Variants in BCL11B observed in about 807,000 individuals in gnomAD.
BCL11B encodes BCL11 transcription factor B.
In BCL11B, 8 loss-of-function variants were observed where a neutral mutation model predicts 49.9. The observed-to-expected ratio is 0.16, with a 90% CI of 0.09 to 0.29. The LOEUF is 0.29. Ranked by LOEUF, BCL11B falls within the 10% of genes least tolerant of loss-of-function variation. The pLI is 1.00. For missense variants in BCL11B, 1,006 were observed against 1,351.0 expected (o/e 0.74, Z 4.00); for synonymous variants, 739 against 637.4 (o/e 1.16, Z -2.40).
Position 99,242,626 on chromosome 14 carries a change from A to G in BCL11B, c.428-11069T>C, listed in dbSNP as rs1888704898. On this transcript the variant is annotated intron_variant, in intron 2 of 3. Coordinates refer to ENST00000357195, the MANE Select transcript of BCL11B (RefSeq NM_138576.4). The surrounding 1 kb of genome is among the most constrained non-coding windows in gnomAD (Gnocchi z 4.4). The stretch of plus-strand genomic sequence containing the variant: ...ACCCCTACCCCACAACTCCAGCCCA[A>G]AGTCTTGGCCCAGCCAGGGTGAACA... 6.6e-6 allele frequency among the ~76,000 whole-genome samples: 1 copy of G among 152,206 alleles called. No individual in the cohort carries two copies. The highest frequency in any genetic ancestry group is 1.5e-5 in the Non-Finnish European group (1 of 68,040).
At chr14:99,230,613 A>G (rs968898215) in intron 3 of BCL11B, among the ~76,000 whole-genome samples, 4 of 152,232 alleles carry the variant, frequency 2.6e-5, no homozygotes, top group African/African-American at 9.6e-5. Context: ...CTTGGGGAGA[A>G]GCAGGGCAGG....
rs1269589249 is a variant in BCL11B at position 99,174,745 on chromosome 14, C to G, written c.2091G>C (p.Pro697=). 5 of 1,522,360 alleles carry G rather than the reference C, an allele frequency of 3.3e-6. No homozygotes were observed. Among genetic ancestry groups the G allele is most frequent in the Non-Finnish European group, 4.4e-6 (5 of 1,135,198 alleles). The allele number at this position is 1,522,360 out of a possible 1,614,324, so 94.3% of individuals were successfully genotyped here. Residue 697 remains proline (P), a synonymous_variant, in exon 4 of 4, where the codon CCG becomes CCC. Coordinates refer to ENST00000357195, the MANE Select transcript of BCL11B (RefSeq NM_138576.4). ...RIKVEKDLEL[P]PAALIPSENV... ...TCTCGGACGGGATGAGCGCGGCGGG[C>G]GGCAGCTCCAGGTCCTTCTCCACCT...
intron 3 of BCL11B, among the ~76,000 whole-genome samples, chr14:99,218,253 T>TG (rs1353204466): frequency 1.4e-5 from 2 of 145,624 alleles, no homozygotes; most frequent in African/African-American, 5.1e-5. Flanking sequence ...TTTTTTTTTT[T>TG]GTATTTTTAC....
intron 3 of BCL11B, among the ~76,000 whole-genome samples, chr14:99,197,590 G>T (rs1282057584): frequency 6.6e-6 from 1 of 152,152 alleles, no homozygotes; most frequent in African/African-American, 2.4e-5. Context: ...CCCTTGCTGT[G>T]GGGAGGAGGA....
At position 99,228,847 on chromosome 14, in the gene BCL11B, T is replaced by G. The variant is rs1250655716; in HGVS notation, c.640+2498A>C. Among the ~76,000 whole-genome samples the G allele has an allele frequency of 2.6e-5, 4 of 152,244 alleles. No individual in the cohort carries two copies. Among genetic ancestry groups the G allele is most frequent in the Non-Finnish European group, 4.4e-5 (3 of 68,044 alleles). On this transcript the variant is annotated intron_variant, in intron 3 of 3. Transcript: ENST00000357195. This position sits in a 1 kb window ranked among gnomAD's most constrained non-coding sequence, Gnocchi z 4.8. Reference sequence around the variant, plus strand: ...CGAGGGCAGGGACCTGCCTGCCGACTCTTCCTGTGTGTGCACAGTGCTACA... The same window carrying G: ...CGAGGGCAGGGACCTGCCTGCCGACGCTTCCTGTGTGTGCACAGTGCTACA...
intron 2 of BCL11B, among the ~76,000 whole-genome samples, chr14:99,243,244 G>A (rs943880859): frequency 6.6e-6 from 1 of 152,116 alleles, no homozygotes; most frequent in Non-Finnish European, 1.5e-5. Context: ...GGAAGTGGGG[G>A]AGTTTCCTAT....
intron 3 of BCL11B, among the ~76,000 whole-genome samples, chr14:99,182,772 G>A (rs997383158): frequency 6.6e-6 from 1 of 152,124 alleles, no homozygotes; most frequent in Non-Finnish European, 1.5e-5. Context: ...GTTCATCCCC[G>A]CACTCTCCCT....
At chr14:99,245,414 T>C (rs564850178) in intron 2 of BCL11B, among the ~76,000 whole-genome samples, 1 of 152,314 alleles carries the variant, frequency 6.6e-6, no homozygotes, top group Admixed American at 6.5e-5. Context: ...CTTCTCCCAC[T>C]CGGAAAGAAA....
chr14:99,257,524 T>A lies in BCL11B; in HGVS notation c.374A>T (p.Asp125Val). 1 of 1,613,508 alleles carries A rather than the reference T, an allele frequency of 6.2e-7. No homozygotes were observed. The highest frequency in any genetic ancestry group is 8.5e-7 in the Non-Finnish European group (1 of 1,179,642). ...IGIQVTPDEDDHLLSPTKGIC... is the reference protein window; with the variant it reads ...IGIQVTPDEDVHLLSPTKGIC... The stretch of plus-strand genomic sequence containing the variant: ...GCCTTTCGTGGGTGAGAGCAGGTGG[T>A]CATCTTCGTCGGGGGTGACTTGGAT... The change falls in exon 2 of 4, where the codon GAC becomes GTC. Residue 125 changes from aspartate to valine, a missense_variant. Asp to Val is a radical substitution (Grantham distance 152). Coordinates refer to ENST00000357195, the MANE Select transcript of BCL11B (RefSeq NM_138576.4). This position sits in a 1 kb window ranked among gnomAD's most constrained non-coding sequence, Gnocchi z 6.2.
At chr14:99,260,109 G>A (rs1040827114) in intron 1 of BCL11B, among the ~76,000 whole-genome samples, 2 of 152,212 alleles carry the variant, frequency 1.3e-5, no homozygotes, top group Non-Finnish European at 2.9e-5. Flanking sequence ...TAAATGGGAG[G>A]AGGATGTCAA....
chr14:99,194,374 A>G lies in BCL11B; in HGVS notation c.641-18179T>C, dbSNP rs1887121254. On this transcript the variant is annotated intron_variant, in intron 3 of 3. Coordinates refer to ENST00000357195, the MANE Select transcript of BCL11B (RefSeq NM_138576.4). The surrounding 1 kb of genome is among the most constrained non-coding windows in gnomAD (Gnocchi z 4.6). ...CCCGCCAAGGAGCCAGTGCTCCTGG[A>G]CAACATCCCTAGGGGGTGGCAGGGC... Among the ~76,000 whole-genome samples the G allele has an allele frequency of 1.3e-5, 2 of 152,210 alleles. No individual in the cohort carries two copies. The highest frequency in any genetic ancestry group is 4.8e-5 in the African/African-American group (2 of 41,452).
intron 3 of BCL11B, among the ~76,000 whole-genome samples, chr14:99,188,084 A>G (rs984411761): frequency 2.0e-5 from 3 of 152,228 alleles, no homozygotes; most frequent in African/African-American, 7.2e-5. Flanking sequence ...GCGTTAGAGC[A>G]AAAGTGTTCC....
chr14:99,239,420 G>C (rs187873777), intron 2 of BCL11B, among the ~76,000 whole-genome samples: 5 of 152,170 alleles, frequency 3.3e-5, no homozygotes, highest in African/African-American at 4.8e-5. Flanking sequence ...GTGGGACTTC[G>C]GGTTGGGACC....
chr14:99,269,995 G>A (rs1453297454), intron 1 of BCL11B, among the ~76,000 whole-genome samples: 3 of 151,796 alleles, frequency 2.0e-5, no homozygotes, highest in African/African-American at 7.3e-5. Flanking sequence ...GGGCTGCGGC[G>A]GGCGGGGAGC....
intron 1 of BCL11B, among the ~76,000 whole-genome samples, chr14:99,269,515 T>TTC (rs761244343): frequency 1.4e-4 from 17 of 120,694 alleles, no homozygotes; most frequent in African/African-American, 4.6e-4. Context: ...TAATTTCTAT[T>TTC]CCCCCCCCCC....
intron 3 of BCL11B, among the ~76,000 whole-genome samples, chr14:99,179,434 A>G (rs1886633989): frequency 7.2e-6 from 1 of 139,094 alleles, no homozygotes; most frequent in Non-Finnish European, 1.5e-5. Flanking sequence ...AGATCGAACC[A>G]CTGCACTCCA....
chr14:99,257,976 G>C lies in BCL11B; in HGVS notation c.59-137C>G. On this transcript the variant is annotated intron_variant, in intron 1 of 3. Transcript: ENST00000357195. The surrounding 1 kb of genome is among the most constrained non-coding windows in gnomAD (Gnocchi z 6.2). ...GCTGCTGGCTGCCAGAGCTCACCAG[G>C]TCCTCCCCGGGGTTGGGGGCTGGTG... is the stretch of plus-strand genomic sequence containing the variant. 9.0e-6 allele frequency: 10 copies of C among 1,112,718 alleles called. No homozygotes were observed. Among genetic ancestry groups the C allele is most frequent in the Non-Finnish European group, 1.1e-5 (9 of 834,246 alleles). 68.9% of individuals were successfully genotyped at this position (1,112,718 alleles called of 1,614,324 possible). A position where few individuals can be genotyped will look rare whatever the true frequency, so the allele number is the denominator to read the frequency against.
chr14:99,208,039 G>A (rs1308995886), intron 3 of BCL11B, among the ~76,000 whole-genome samples: 7 of 152,204 alleles, frequency 4.6e-5, no homozygotes, highest in Admixed American at 4.6e-4. Context: ...CTTTGTAAAT[G>A]AAGTCTACCC....
At chr14:99,220,072 C>T (rs2139863498) in intron 3 of BCL11B, among the ~76,000 whole-genome samples, 1 of 152,212 alleles carries the variant, frequency 6.6e-6, no homozygotes, top group South Asian at 2.1e-4. Flanking sequence ...CTCCAACAGT[C>T]CAAAAAACAC....
Sources: gnomAD v4.1 joint callset for allele counts (sites outside exome capture counted in the v4.1 genomes callset) on GRCh38, gnomAD v4.1.1 for gene constraint, Gnocchi (gnomAD v3.1) non-coding constraint, MANE v1.5 for transcripts, NCBI Gene and HGNC (gene_info 2026-07-23, HGNC 2026-07-21) for gene names.